NOX4: variants seen among roughly 807,000 people sequenced by gnomAD.
The protein encoded by NOX4 is kidney oxidase-1.
NOX4 carries 69 observed loss-of-function variants against 87.6 expected under a neutral mutation model. That is an observed-to-expected ratio of 0.79 (90% CI 0.65 to 0.96). The LOEUF (loss-of-function observed/expected upper bound fraction) is 0.96, where lower values mean the gene tolerates loss of function less well. Among genes scored for constraint, NOX4 ranks in the 40% least tolerant of loss-of-function variants. The pLI, the probability that NOX4 is intolerant of heterozygous loss-of-function variation, is 0.00. For missense variants in NOX4, 680 were observed against 681.5 expected (o/e 1.00, Z 0.02); for synonymous variants, 275 against 238.2 (o/e 1.15, Z -1.42).
chr11:89,422,152 A>C (rs1033684605), intron 7 of NOX4, among the ~76,000 whole-genome samples, 170 bp from the exon 8 acceptor site: 1 of 152,194 alleles, frequency 6.6e-6, no homozygotes, highest in African/African-American at 2.4e-5. Context: ...ATAGAGAGAA[A>C]TGACAAAAAT....
intron 8 of NOX4, among the ~76,000 whole-genome samples, chr11:89,407,668 C>G (rs188688416): frequency 4.5e-4 from 69 of 151,670 alleles, no homozygotes; most frequent in South Asian, 1.9e-3. Flanking sequence ...CTGTTTGTTT[C>G]TTTCTTTTTA....
At chr11:89,583,852 G>A in the NOX4 span, among the ~76,000 whole-genome samples, 61 of 152,162 alleles carry the variant, frequency 4.0e-4, no homozygotes, top group African/African-American at 1.3e-3. Flanking sequence ...ACTGCACTTC[G>A]CACATGGCAG....
chr11:89,580,083 G>A, the NOX4 span, among the ~76,000 whole-genome samples: 6 of 152,126 alleles, frequency 3.9e-5, no homozygotes, highest in Non-Finnish European at 8.8e-5. Flanking sequence ...TTGATGAGCG[G>A]GTTTTGTGTA....
intron 15 of NOX4, among the ~76,000 whole-genome samples, chr11:89,338,533 T>G (rs1359951462): frequency 6.6e-6 from 1 of 152,202 alleles, no homozygotes; most frequent in East Asian, 1.9e-4. Flanking sequence ...TTATTTTTAT[T>G]TACTTATTTT....
At chr11:89,366,244 A>G (rs374913688) in intron 12 of NOX4, among the ~76,000 whole-genome samples, 12 of 152,122 alleles carry the variant, frequency 7.9e-5, no homozygotes, top group African/African-American at 2.9e-4. Context: ...AAAATACTGG[A>G]TAACAGAGAC....
At chr11:89,509,321 C>G in the NOX4 span, among the ~76,000 whole-genome samples, 1 of 152,036 alleles carries the variant, frequency 6.6e-6, no homozygotes, top group African/African-American at 2.4e-5. Context: ...GAATTGACTT[C>G]ATTGGAACAA....
the NOX4 span, among the ~76,000 whole-genome samples, chr11:89,512,832 T>A: frequency 6.6e-6 from 1 of 152,090 alleles, no homozygotes; most frequent in Non-Finnish European, 1.5e-5. Flanking sequence ...ATACTTGCAG[T>A]TACTGGTCTG....
At chr11:89,419,116 T>A (rs1942951255) in intron 8 of NOX4, among the ~76,000 whole-genome samples, 1 of 152,102 alleles carries the variant, frequency 6.6e-6, no homozygotes, top group Non-Finnish European at 1.5e-5. Context: ...AAATCAATGA[T>A]CAATGCTGGA....
At chr11:89,358,188 C>T (rs1397099095) in intron 12 of NOX4, among the ~76,000 whole-genome samples, 1 of 151,670 alleles carries the variant, frequency 6.6e-6, no homozygotes, top group Non-Finnish European at 1.5e-5. Context: ...AGTTTGAGAC[C>T]AGCCTGACCA....
chr11:89,366,401 G>A (rs1350882631), intron 12 of NOX4, among the ~76,000 whole-genome samples: 1 of 152,054 alleles, frequency 6.6e-6, no homozygotes, highest in Non-Finnish European at 1.5e-5. Flanking sequence ...ATTTTGGCCA[G>A]GCACAGTAGA....
intron 8 of NOX4, among the ~76,000 whole-genome samples, chr11:89,421,203 G>A (rs1389569693): frequency 2.0e-5 from 3 of 152,148 alleles, no homozygotes; most frequent in Non-Finnish European, 4.4e-5. Flanking sequence ...ATGCAGGTGT[G>A]AATGTCACGC....
chr11:89,467,017 T>A (rs551437467), intron 2 of NOX4, among the ~76,000 whole-genome samples: 1 of 152,162 alleles, frequency 6.6e-6, no homozygotes, highest in Non-Finnish European at 1.5e-5. Flanking sequence ...GAGAAGCTAA[T>A]TGGGGGGAGC....
chr11:89,434,420 C>T (rs1943976258), intron 6 of NOX4, among the ~76,000 whole-genome samples: 1 of 151,988 alleles, frequency 6.6e-6, no homozygotes, highest in African/African-American at 2.4e-5. Flanking sequence ...TTTACGCTTC[C>T]TTCCTAGAGG....
the NOX4 span, among the ~76,000 whole-genome samples, chr11:89,507,494 TAC>T: frequency 3.3e-5 from 5 of 151,502 alleles, no homozygotes; most frequent in African/African-American, 1.2e-4. Context: ...AATACACATA[TAC>T]ACACAGACTT....
At chr11:89,420,287 C>G (rs1434642856) in intron 8 of NOX4, among the ~76,000 whole-genome samples, 1 of 152,126 alleles carries the variant, frequency 6.6e-6, no homozygotes, top group Non-Finnish European at 1.5e-5. Context: ...TGAATTTATA[C>G]TTAGCATAGA....
chr11:89,557,710 G>T, the NOX4 span, among the ~76,000 whole-genome samples: 1 of 152,068 alleles, frequency 6.6e-6, no homozygotes, highest in African/African-American at 2.4e-5. Flanking sequence ...GTCTCCATTA[G>T]CACTTACTCA....
Position 89,490,481 on chromosome 11 carries a change from G to C in NOX4, c.130C>G (p.His44Asp), listed in dbSNP as rs761898242. ...ACCCCCAACATCTGGTGGAGGTAGT[G>C]ATACTCTGGCCCTTGGTTATACAGC... ...FLLYNQGPEY[H>D]YLHQMLGLGL... is the part of the protein sequence containing the mutation. Residue 44 changes from histidine (H) to aspartate (D), a missense_variant, in exon 2 of 18, where the codon CAC (histidine) becomes GAC (aspartate). His to Asp is a moderately conservative substitution (Grantham distance 81, BLOSUM62 -1). Transcript: ENST00000263317. The C allele has an allele frequency of 6.2e-7, 1 of 1,613,452 alleles. No individual in the cohort carries two copies. Among genetic ancestry groups the C allele is most frequent in the Non-Finnish European group, 8.5e-7 (1 of 1,179,440 alleles).
At chr11:89,503,086 CA>C (rs1947038851), upstream of NOX4, among the ~76,000 whole-genome samples, 1 of 151,926 alleles carries the variant, frequency 6.6e-6, no homozygotes, top group Non-Finnish European at 1.5e-5. Context: ...TTTATTTTAA[CA>C]GCAAATTTGG....
At chr11:89,369,370 A>G (rs946545260) in intron 12 of NOX4, among the ~76,000 whole-genome samples, 9 of 152,094 alleles carry the variant, frequency 5.9e-5, no homozygotes, top group African/African-American at 1.9e-4. Flanking sequence ...GAGTCACACC[A>G]AAACATCTCC....
Sources: gnomAD v4.1 joint callset for allele counts (sites outside exome capture counted in the v4.1 genomes callset) on GRCh38, gnomAD v4.1.1 for gene constraint, MANE v1.5 for transcripts, NCBI Gene and HGNC (gene_info 2026-07-23, HGNC 2026-07-21) for gene names.